Variants in MYO3B observed in about 807,000 individuals in gnomAD.
The protein encoded by MYO3B is myosin-IIIb.
Under a neutral mutation model 174.6 loss-of-function variants are expected in MYO3B, and 156 were observed. That is an observed-to-expected ratio of 0.89 (90% confidence interval 0.78 to 1.02). MYO3B has a LOEUF of 1.02. Ranked by LOEUF, MYO3B falls within the 50% of genes least tolerant of loss-of-function variation. The pLI, the probability that MYO3B is intolerant of heterozygous loss-of-function variation, is 0.00. For synonymous variants in MYO3B, 563 were observed against 569.1 expected, an observed-to-expected ratio of 0.99 and a Z score of 0.15; for missense variants, 1,632 against 1,639.4, an observed-to-expected ratio of 1.00 and a Z score of 0.08.
rs1377271606 is a variant in MYO3B, at chr2:170,601,941, C to CT, written c.3734-49685dup. 3 of 830,550 alleles carry CT rather than the reference C, an allele frequency of 3.6e-6. No homozygotes were observed. In the African/African-American group the frequency reaches 5.1e-5, roughly 14 times the overall value. 51.4% of individuals were successfully genotyped at this position (830,550 alleles called of 1,614,324 possible). A position where few individuals can be genotyped will look rare whatever the true frequency, so the allele number is the denominator to read the frequency against. ...ACAGCAAAAAGGCCGAAGGAGGCCTCTTGGGTGCATTGGAATCCTCGAACT... is the reference window on the plus strand; with the variant it reads ...ACAGCAAAAAGGCCGAAGGAGGCCTCTTTGGGTGCATTGGAATCCTCGAACT... On this transcript the variant is annotated intron_variant, in intron 32 of 34. Coordinates refer to ENST00000408978, the MANE Select transcript of MYO3B (RefSeq NM_138995.5).
chr2:170,633,079 C>CCAAT (rs1446512744), intron 32 of MYO3B, among the ~76,000 whole-genome samples: 1 of 152,118 alleles, frequency 6.6e-6, no homozygotes, highest in Admixed American at 6.5e-5. Context: ...TGAAACTATT[C>CCAAT]CAATCAATAG....
intron 17 of MYO3B, 109 bp from the exon 18 acceptor site, chr2:170,401,372 A>G (rs899333810): frequency 2.0e-6 from 2 of 1,008,750 alleles, no homozygotes; most frequent in African/African-American, 1.6e-5. Context: ...CTTTGAGTCA[A>G]AAGTACCCAA....
At chr2:170,285,372 CTT>C (rs35061330) in intron 7 of MYO3B, among the ~76,000 whole-genome samples, 121 of 144,332 alleles carry the variant, frequency 8.4e-4, no homozygotes, top group Middle Eastern at 3.4e-3. Context: ...AGTCTGTGAC[CTT>C]TTTTTTTTTT....
intron 32 of MYO3B, among the ~76,000 whole-genome samples, chr2:170,561,164 T>G (rs1691686028): frequency 6.6e-6 from 1 of 152,180 alleles, no homozygotes; most frequent in African/African-American, 2.4e-5. Context: ...AGTTTCTATT[T>G]AACACTGGGA....
At chr2:170,473,029 G>A (rs1008597453) in intron 25 of MYO3B, among the ~76,000 whole-genome samples, 2 of 151,840 alleles carry the variant, frequency 1.3e-5, no homozygotes, top group East Asian at 3.9e-4. Context: ...TGTATTGTCC[G>A]ATGCAGTGCC....
intron 8 of MYO3B, chr2:170,341,014 A>T (rs971827288): frequency 6.6e-6 from 1 of 152,192 alleles, no homozygotes; most frequent in African/African-American, 2.4e-5. Flanking sequence ...CTAGCCCTCT[A>T]AATGACATTC....
At chr2:170,220,853 C>T (rs1041107314) in intron 6 of MYO3B, among the ~76,000 whole-genome samples, 4 of 152,122 alleles carry the variant, frequency 2.6e-5, no homozygotes, top group Non-Finnish European at 5.9e-5. Context: ...GTGCAGGATT[C>T]TCTCAGGATG....
intron 1 of MYO3B, chr2:170,180,236 C>G (rs1198992069): frequency 7.9e-6 from 3 of 379,946 alleles, no homozygotes; most frequent in African/African-American, 6.3e-5. Flanking sequence ...AGGGATCAGA[C>G]TAGACCAATT....
At position 170,444,035 on chromosome 2, in the gene MYO3B, G is replaced by A; in HGVS notation, c.2719G>A (p.Gly907Arg). Reference sequence around the variant, plus strand: ...TTCTTTGCCTCCACATTTCAGTGCTGGGAAAGCCAAGGTGAGTAACAGATT... The same window carrying A: ...TTCTTTGCCTCCACATTTCAGTGCTAGGAAAGCCAAGGTGAGTAACAGATT... ...SSSLPPHFSAGKAKVDTLEVI... is the reference protein window; with the variant it reads ...SSSLPPHFSARKAKVDTLEVI... The change falls in exon 23 of 35, where the codon GGG becomes AGG. Residue 907 changes from glycine to arginine, a missense_variant. Physicochemically the swap from Gly to Arg is moderately radical, Grantham distance 125. Coordinates refer to ENST00000408978, the MANE Select transcript of MYO3B (RefSeq NM_138995.5). 1 of 1,612,886 alleles carries A rather than the reference G, an allele frequency of 6.2e-7. No homozygotes were observed. Among genetic ancestry groups the A allele is most frequent in the South Asian group, 1.1e-5 (1 of 90,930 alleles).
At chr2:170,544,432 G>C (rs933138777) in intron 32 of MYO3B, among the ~76,000 whole-genome samples, 1 of 152,118 alleles carries the variant, frequency 6.6e-6, no homozygotes, top group Non-Finnish European at 1.5e-5. Context: ...TTTCTGGCTC[G>C]TTTTCTAAAT....
chr2:170,532,252 G>C (rs1345244148), intron 30 of MYO3B, among the ~76,000 whole-genome samples: 1 of 152,170 alleles, frequency 6.6e-6, no homozygotes, highest in Admixed American at 6.5e-5. Context: ...CGGCCTGTAG[G>C]CTCCAAAATG....
intron 16 of MYO3B, among the ~76,000 whole-genome samples, chr2:170,397,912 T>G (rs1005706216): frequency 6.6e-6 from 1 of 152,156 alleles, no homozygotes; most frequent in Non-Finnish European, 1.5e-5. Context: ...TACTTACCAT[T>G]ACTGTTTTAT....
At chr2:170,427,510 T>C (rs2105875131) in intron 22 of MYO3B, among the ~76,000 whole-genome samples, 1 of 152,152 alleles carries the variant, frequency 6.6e-6, no homozygotes, top group East Asian at 1.9e-4. Context: ...TATGAACGGG[T>C]TATACATATA....
intron 25 of MYO3B, among the ~76,000 whole-genome samples, chr2:170,469,812 A>T (rs145870408): frequency 6.6e-6 from 1 of 152,128 alleles, no homozygotes; most frequent in African/African-American, 2.4e-5. Context: ...TTTTGAAAGT[A>T]TACAATTCAG....
At chr2:170,496,621 A>G (rs1686866358) in intron 25 of MYO3B, among the ~76,000 whole-genome samples, 1 of 148,322 alleles carries the variant, frequency 6.7e-6, no homozygotes, top group South Asian at 2.1e-4. Flanking sequence ...AATATAATAT[A>G]TATAATACAT....
At chr2:170,286,457 T>C (rs2093556998) in intron 7 of MYO3B, among the ~76,000 whole-genome samples, 1 of 152,220 alleles carries the variant, frequency 6.6e-6, no homozygotes, top group Non-Finnish European at 1.5e-5. Context: ...TTCCCATTTA[T>C]ATCTATTTAG....
At chr2:170,616,064 A>G (rs1695445915) in intron 32 of MYO3B, among the ~76,000 whole-genome samples, 2 of 152,246 alleles carry the variant, frequency 1.3e-5, no homozygotes, top group Admixed American at 6.5e-5. Context: ...ATCTTTCCAT[A>G]ACCTATGATT....
At chr2:170,383,498 C>A (rs761736909) in intron 11 of MYO3B, among the ~76,000 whole-genome samples, 1 of 152,142 alleles carries the variant, frequency 6.6e-6, no homozygotes, top group African/African-American at 2.4e-5. Context: ...GGAGACTTAG[C>A]ATAGAGTGAA....
chr2:170,357,689 TG>T (rs1287432757), intron 8 of MYO3B, among the ~76,000 whole-genome samples: 2 of 152,144 alleles, frequency 1.3e-5, no homozygotes, highest in Non-Finnish European at 2.9e-5. Context: ...TTGCATACGT[TG>T]GTAGGAATAT....
Sources: gnomAD v4.1 joint callset for allele counts (sites outside exome capture counted in the v4.1 genomes callset) on GRCh38, gnomAD v4.1.1 for gene constraint, MANE v1.5 for transcripts, NCBI Gene and HGNC (gene_info 2026-07-23, HGNC 2026-07-21) for gene names.